ZNF875: variants seen among roughly 807,000 people sequenced by gnomAD.
ZNF875 encodes HKR1, GLI-Kruppel zinc finger family member.
Under a neutral mutation model 11.2 loss-of-function variants are expected in ZNF875, and 14 were observed. The ratio of observed to expected loss-of-function variants is 1.26; its 90% CI spans 0.83 to 1.96. ZNF875 has a LOEUF of 1.96. Ranked by LOEUF, ZNF875 falls within the 30% of genes most tolerant of loss-of-function variation. The pLI, the probability that ZNF875 is intolerant of heterozygous loss-of-function variation, is 0.00. For synonymous variants in ZNF875, 301 were observed against 281.1 expected (o/e 1.07, Z -0.71); for missense variants, 752 against 760.4 (o/e 0.99, Z 0.13).
intron 4 of ZNF875, chr19:37,328,537 C>G (rs1214263987): frequency 1.3e-5 from 2 of 152,140 alleles, no homozygotes; most frequent in Non-Finnish European, 2.9e-5. Context: ...TTCCCCTTCT[C>G]CCTCTCACAT....
upstream of ZNF875, chr19:37,334,647 A>G: frequency 4.4e-6 from 2 of 455,872 alleles, no homozygotes; most frequent in Non-Finnish European, 8.8e-6. Context: ...GACGTCAGAA[A>G]CACTTCCGGT....
rs970269763 is a variant in ZNF875, at chr19:37,364,430, C to A, written c.*655C>A. The stretch of plus-strand genomic sequence containing the variant: ...AGCTGTTCTTTTGCTCAATAAAATT[C>A]TTTTCTACCCATCCTCACCCTTCAA... On this transcript the variant is annotated 3_prime_UTR_variant, in exon 5 of 5. Transcript: ENST00000392153. 5 of 152,572 alleles carry A rather than the reference C, an allele frequency of 3.3e-5. No individual in the cohort carries two copies. Among genetic ancestry groups the A allele is most frequent in the African/African-American group, 1.2e-4 (5 of 41,450 alleles). The allele number at this position is 152,572 out of a possible 1,614,324, so 9.5% of individuals were successfully genotyped here.
At chr19:37,335,616 G>T (rs2145914933) in intron 2 of ZNF875, among the ~76,000 whole-genome samples, 1 of 152,292 alleles carries the variant, frequency 6.6e-6, no homozygotes, top group East Asian at 1.9e-4. Context: ...CAAGTTAGGG[G>T]GTGGTGATTG....
intron 2 of ZNF875, chr19:37,345,031 TC>T (rs1184696546): frequency 7.9e-6 from 3 of 378,738 alleles, no homozygotes; most frequent in Non-Finnish European, 1.5e-5. Flanking sequence ...AGTGAGTACC[TC>T]CTTCTCATGA....
At chr19:37,318,401 C>T (rs1230110192) in intron 1 of ZNF875, among the ~76,000 whole-genome samples, 2 of 152,118 alleles carry the variant, frequency 1.3e-5, no homozygotes, top group Admixed American at 6.5e-5. Flanking sequence ...AGTGGACTGT[C>T]TCTGATAAGG....
At chr19:37,344,230 C>T (rs1044295557) in intron 2 of ZNF875, among the ~76,000 whole-genome samples, 3 of 152,166 alleles carry the variant, frequency 2.0e-5, no homozygotes, top group Non-Finnish European at 4.4e-5. Flanking sequence ...AGTTTGTCTC[C>T]AGAGTTTGTG....
At position 37,344,817 on chromosome 19, in the gene ZNF875, G is replaced by A. The variant is rs751071684; in HGVS notation, c.34-2373G>A. On this transcript the variant is annotated intron_variant, in intron 2 of 4. Transcript: ENST00000392153. ...AAAGTAACACTAATTGCTCTGTGAT[G>A]TAGCTCCTTCGTGGGAGATTTTCAA... 3 of 1,212,924 alleles carry A rather than the reference G, an allele frequency of 2.5e-6. No individual in the cohort carries two copies. In the African/African-American group the frequency reaches 4.5e-5, roughly 18 times the overall value. The allele number at this position is 1,212,924 out of a possible 1,614,324, so 75.1% of individuals were successfully genotyped here. A position where few individuals can be genotyped will look rare whatever the true frequency, so the allele number is the denominator to read the frequency against.
In ZNF875 at chr19:37,362,586, A is replaced by G. The variant is rs762896488; in HGVS notation, c.734A>G (p.Gln245Arg). Residue 245 changes from glutamine (Q) to arginine (R), a missense_variant, in exon 5 of 5, where the codon CAG becomes CGG. Physicochemically the swap from Gln to Arg is conservative, Grantham distance 43 (BLOSUM62 1). Transcript: ENST00000392153. ...AAGGAGTCAAACCTCCTTAGCCTCC[A>G]GAAGACACAAACTGGGGAGACACCT... ...FIKESNLLSL[Q>R]KTQTGETPYM... is the part of the protein sequence containing the mutation. The G allele has an allele frequency of 2.5e-6, 4 of 1,614,082 alleles. No homozygotes were observed.
At chr19:37,339,318 T>C (rs2035174949) in intron 2 of ZNF875, among the ~76,000 whole-genome samples, 1 of 152,052 alleles carries the variant, frequency 6.6e-6, no homozygotes. Flanking sequence ...CCACTGAAAA[T>C]AATTTCCATA....
At chr19:37,317,862 GCCGTTTCCGGAAGCCCGCCCTC>G (rs1200359548), upstream of ZNF875, 1 of 152,752 alleles carries the variant, frequency 6.5e-6, no homozygotes, top group African/African-American at 2.4e-5. Flanking sequence ...CCCATTGGTC[GCCGTTTCCGGAAGCCCGCCCTC>G]CCGTTTCCGG....
At chr19:37,336,535 ATGAT>A in intron 2 of ZNF875, among the ~76,000 whole-genome samples, 1 of 149,652 alleles carries the variant, frequency 6.7e-6, no homozygotes, top group Non-Finnish European at 1.5e-5. Flanking sequence ...TCCTGACCTC[ATGAT>A]CCACCCACCT....
upstream of ZNF875, chr19:37,334,532 G>A (rs566304563): frequency 1.6e-5 from 6 of 364,552 alleles, no homozygotes; most frequent in South Asian, 1.0e-4. Context: ...CACCCTGTGT[G>A]GTGGGCAAAG....
intron 4 of ZNF875, among the ~76,000 whole-genome samples, chr19:37,357,221 A>G (rs555811402): frequency 6.6e-6 from 1 of 152,162 alleles, no homozygotes; most frequent in East Asian, 1.9e-4. Context: ...TTCAGTTAAT[A>G]TAGCCTTGTA....
intron 4 of ZNF875, chr19:37,325,195 C>T (rs866867990): frequency 6.6e-6 from 1 of 152,274 alleles, no homozygotes; most frequent in Non-Finnish European, 1.5e-5. Flanking sequence ...CTAGTGTCAG[C>T]CATGCTACTC....
At chr19:37,359,413 T>C (rs1215510001) in intron 4 of ZNF875, 1 of 239,320 alleles carries the variant, frequency 4.2e-6, no homozygotes, top group Non-Finnish European at 8.5e-6. Flanking sequence ...TCTTTTCTTT[T>C]TTTTTTTTTT....
At position 37,344,804 on chromosome 19, in the gene ZNF875, AT is replaced by A. The variant is rs1277650356; in HGVS notation, c.34-2384del. 5 of 1,306,930 alleles carry A rather than the reference AT, an allele frequency of 3.8e-6. No homozygotes were observed. The African/African-American group carries it at 7.3e-5, about 19-fold the overall frequency. 81.0% of individuals were successfully genotyped at this position (1,306,930 alleles called of 1,614,324 possible). ...TATTAAATGTGTTAAAGTAACACTA[AT>A]TGCTCTGTGATGTAGCTCCTTCGTG... On this transcript the variant is annotated intron_variant, in intron 2 of 4. Transcript: ENST00000392153.
At chr19:37,361,876 C>T in intron 4 of ZNF875, 1 of 483,868 alleles carries the variant, frequency 2.1e-6, no homozygotes, top group East Asian at 3.7e-5. Context: ...GAGATCGCAC[C>T]ACTGCACTCC....
At chr19:37,318,001 T>C (rs755705094) in exon 1 of ZNF875, 12 of 156,038 alleles carry the variant, frequency 7.7e-5, no homozygotes, top group Non-Finnish European at 8.6e-5. Flanking sequence ...CGTGGGACGC[T>C]GGAGGGTCAG....
intron 2 of ZNF875, chr19:37,346,287 T>C (rs940476681): frequency 6.6e-6 from 1 of 152,214 alleles, no homozygotes; most frequent in African/African-American, 2.4e-5. Flanking sequence ...TATTTTTAGT[T>C]CGCAGGAGAA....
Sources: allele counts gnomAD v4.1 joint callset (sites outside exome capture counted in the v4.1 genomes callset), GRCh38; gene constraint gnomAD v4.1.1; transcripts MANE v1.5; gene names NCBI Gene and HGNC (gene_info 2026-07-23, HGNC 2026-07-21).